The following ZCWPW2 variants were observed in gnomAD, a reference collection of about 807,000 sequenced individuals.
The protein encoded by ZCWPW2 is zinc finger CW-type PWWP domain protein 2.
A neutral mutation model predicts 46.6 loss-of-function variants in ZCWPW2; 45 were observed. The observed-to-expected ratio is 0.96, with a 90% CI of 0.76 to 1.24. The LOEUF is 1.24. Among genes scored for constraint, ZCWPW2 ranks in the 50% most tolerant of loss-of-function variants. ZCWPW2 has a pLI of 0.00. For synonymous variants in ZCWPW2, 152 were observed against 137.1 expected (o/e 1.11, Z -0.76); for missense variants, 429 against 403.9 (o/e 1.06, Z -0.53).
chr3:28,395,304 A>G (rs1476486912), intron 2 of ZCWPW2, among the ~76,000 whole-genome samples: 1 of 152,096 alleles, frequency 6.6e-6, no homozygotes, highest in Admixed American at 6.6e-5. Flanking sequence ...CTGTAATGTA[A>G]ATGGGAATGT....
intron 2 of ZCWPW2, among the ~76,000 whole-genome samples, chr3:28,407,221 C>T (rs915315451): frequency 8.5e-5 from 13 of 152,150 alleles, no homozygotes; most frequent in African/African-American, 3.1e-4. Context: ...CTCCCTGCAT[C>T]CTTCATGGAG....
intron 6 of ZCWPW2, among the ~76,000 whole-genome samples, chr3:28,496,361 A>G (rs1223518178): frequency 2.0e-5 from 3 of 152,098 alleles, no homozygotes; most frequent in African/African-American, 4.8e-5. Flanking sequence ...TAGCAAGATT[A>G]TAAAACATTT....
At chr3:28,449,456 A>G (rs1213560044) in intron 4 of ZCWPW2, among the ~76,000 whole-genome samples, 2 of 152,348 alleles carry the variant, frequency 1.3e-5, no homozygotes, top group East Asian at 3.9e-4. Flanking sequence ...TTCCATTTAT[A>G]TGAAGTATTT....
intron 6 of ZCWPW2, among the ~76,000 whole-genome samples, chr3:28,505,643 A>G (rs1700255727): frequency 6.6e-6 from 1 of 152,128 alleles, no homozygotes. Flanking sequence ...AGATTTTTCA[A>G]AGGGAAATGA....
intron 3 of ZCWPW2, among the ~76,000 whole-genome samples, chr3:28,416,866 C>T (rs563945576): frequency 2.5e-4 from 31 of 122,902 alleles, no homozygotes; most frequent in Admixed American, 2.3e-3. Context: ...GGGATGAAGC[C>T]CACTTGATCA....
intron 1 of ZCWPW2, among the ~76,000 whole-genome samples, chr3:28,353,913 G>A (rs1704640958): frequency 6.6e-6 from 1 of 152,176 alleles, no homozygotes; most frequent in South Asian, 2.1e-4. Context: ...CTTATTAAAT[G>A]AAGTAAGAGA....
intron 5 of ZCWPW2, among the ~76,000 whole-genome samples, chr3:28,485,926 C>T (rs923734076): frequency 6.6e-6 from 1 of 150,678 alleles, no homozygotes; most frequent in Non-Finnish European, 1.5e-5. Flanking sequence ...CCATTTTCTT[C>T]CCTCTTGACA....
chr3:28,495,066 T>C (rs1287414447), intron 6 of ZCWPW2, among the ~76,000 whole-genome samples: 1 of 151,754 alleles, frequency 6.6e-6, no homozygotes, highest in Non-Finnish European at 1.5e-5. Context: ...TTCACAGAAT[T>C]GGAAAAAACT....
At chr3:28,469,840 A>G (rs892056503) in intron 4 of ZCWPW2, among the ~76,000 whole-genome samples, 1 of 152,142 alleles carries the variant, frequency 6.6e-6, no homozygotes, top group Non-Finnish European at 1.5e-5. Flanking sequence ...TGGAGAATTC[A>G]ACATCCCACT....
chr3:28,349,420 A>G (rs1232996259), intron 1 of ZCWPW2, among the ~76,000 whole-genome samples: 1 of 152,152 alleles, frequency 6.6e-6, no homozygotes, highest in Non-Finnish European at 1.5e-5. Flanking sequence ...TCTGTTTTCT[A>G]AACTACTTGC....
intron 4 of ZCWPW2, among the ~76,000 whole-genome samples, chr3:28,442,220 C>T (rs1185341710): frequency 6.6e-6 from 1 of 152,206 alleles, no homozygotes; most frequent in Non-Finnish European, 1.5e-5. Context: ...GGCATTGTGC[C>T]TCTTTCTTGG....
intron 1 of ZCWPW2, among the ~76,000 whole-genome samples, chr3:28,360,522 GAA>G (rs745572155): frequency 1.6e-5 from 2 of 122,932 alleles, no homozygotes; most frequent in Admixed American, 8.5e-5. Flanking sequence ...GACTTTGTCT[GAA>G]AAAAAAAAAA....
chr3:28,363,201 T>G (rs947345714), intron 1 of ZCWPW2, among the ~76,000 whole-genome samples: 1 of 152,004 alleles, frequency 6.6e-6, no homozygotes, highest in Non-Finnish European at 1.5e-5. Flanking sequence ...CCCCTGAACC[T>G]AAAATAAAAG....
Position 28,524,807 on chromosome 3 carries a change from C to A in ZCWPW2, c.*119C>A. 1.2e-6 allele frequency: 1 copy of A among 850,712 alleles called. No homozygotes were observed. Among genetic ancestry groups the A allele is most frequent in the Non-Finnish European group, 1.6e-6 (1 of 632,094 alleles). The allele number at this position is 850,712 out of a possible 1,614,324, so 52.7% of individuals were successfully genotyped here. A position where few individuals can be genotyped will look rare whatever the true frequency, so the allele number is the denominator to read the frequency against. The stretch of plus-strand genomic sequence containing the variant: ...TAAATTATACCAAAGTTTATATTTG[C>A]GGTAACTTTCTACTTCATATTTTGA... On this transcript the variant is annotated 3_prime_UTR_variant, in exon 10 of 10. Coordinates refer to ENST00000383768, the MANE Select transcript of ZCWPW2 (RefSeq NM_001040432.4).
intron 4 of ZCWPW2, among the ~76,000 whole-genome samples, chr3:28,470,932 C>T (rs1254387173): frequency 6.6e-6 from 1 of 151,928 alleles, no homozygotes; most frequent in African/African-American, 2.4e-5. Context: ...ACATTACAAT[C>T]AATACTACAG....
Position 28,486,300 on chromosome 3 carries a change from G to T in ZCWPW2, c.611-5827G>T, listed in dbSNP as rs368449469. Among the ~76,000 whole-genome samples, 30 of 152,172 alleles carry T rather than the reference G, an allele frequency of 2.0e-4. No individual in the cohort carries two copies. In the East Asian group the frequency reaches 5.0e-3, roughly 25 times the overall value. On this transcript the variant is annotated intron_variant, in intron 5 of 9. Transcript: ENST00000383768. ...ATGCACACACACACATAAGATGTAT[G>T]CATAAGTATACATAATTAAGTGTAT... is the stretch of plus-strand genomic sequence containing the variant.
intron 6 of ZCWPW2, among the ~76,000 whole-genome samples, chr3:28,512,658 G>A (rs1452846931): frequency 6.6e-6 from 1 of 151,906 alleles, no homozygotes; most frequent in African/African-American, 2.4e-5. Context: ...CTATAGATTT[G>A]GCGATCTCAT....
intron 1 of ZCWPW2, among the ~76,000 whole-genome samples, chr3:28,369,897 G>C (rs1705253831): frequency 6.6e-6 from 1 of 152,170 alleles, no homozygotes; most frequent in African/African-American, 2.4e-5. Context: ...CTTGCAGTTT[G>C]ATCTCAGACT....
rs143289929 is a variant in ZCWPW2, at chr3:28,443,744, C to T, written c.492+8475C>T. ...TTTGTAGTTGAGTAACTGTGGTTCC[C>T]ACTGTTAGATCTGACATACAGAGAA... On this transcript the variant is annotated intron_variant, in intron 4 of 9. Coordinates refer to ENST00000383768, the MANE Select transcript of ZCWPW2 (RefSeq NM_001040432.4). Among the ~76,000 whole-genome samples the T allele has an allele frequency of 2.5e-3, 386 of 152,254 alleles. 1 individual carries two copies. The highest frequency in any genetic ancestry group is 8.4e-3 in the African/African-American group (350 of 41,546).
Sources: allele counts gnomAD v4.1 joint callset (sites outside exome capture counted in the v4.1 genomes callset), GRCh38; gene constraint gnomAD v4.1.1; transcripts MANE v1.5; gene names NCBI Gene and HGNC (gene_info 2026-07-23, HGNC 2026-07-21).